RPSA2: variants seen among roughly 807,000 people sequenced by gnomAD.
RPSA2 encodes small ribosomal subunit protein uS2B.
the RPSA2 span, among the ~76,000 whole-genome samples, chr19:23,829,536 G>T: frequency 3.3e-5 from 5 of 152,112 alleles, no homozygotes; most frequent in African/African-American, 1.2e-4. Context: ...CCTGACTTCA[G>T]GTGATCCACC....
At chr19:23,784,428 C>T in the RPSA2 span, among the ~76,000 whole-genome samples, 12 of 152,306 alleles carry the variant, frequency 7.9e-5, no homozygotes, top group Admixed American at 4.6e-4. Flanking sequence ...AACATCTGGC[C>T]GCAGTTGAGA....
the RPSA2 span, among the ~76,000 whole-genome samples, chr19:23,810,905 C>T: frequency 6.6e-5 from 10 of 152,088 alleles, no homozygotes; most frequent in Admixed American, 2.6e-4. Context: ...TAGTTTGCCA[C>T]CTGAATGAGG....
At chr19:23,788,842 C>T in the RPSA2 span, among the ~76,000 whole-genome samples, 2 of 152,052 alleles carry the variant, frequency 1.3e-5, no homozygotes, top group South Asian at 4.1e-4. Flanking sequence ...TATGACTGTC[C>T]TCGCCTACAT....
chr19:23,855,448 C>G, the RPSA2 span, among the ~76,000 whole-genome samples: 3 of 152,172 alleles, frequency 2.0e-5, no homozygotes, highest in Admixed American at 2.0e-4. Context: ...GATTGAGTGG[C>G]ACATACTGAT....
chr19:23,766,128 C>T, the RPSA2 span, among the ~76,000 whole-genome samples: 6 of 126,522 alleles, frequency 4.7e-5, no homozygotes, highest in African/African-American at 8.9e-5. Flanking sequence ...GTTGCTGGTG[C>T]GGATATTTCA....
chr19:23,867,997 G>A, the RPSA2 span, among the ~76,000 whole-genome samples: 40 of 152,252 alleles, frequency 2.6e-4, no homozygotes, highest in African/African-American at 9.1e-4. Context: ...ATCTGTTGGT[G>A]AAAGAATAAT....
the RPSA2 span, among the ~76,000 whole-genome samples, chr19:23,825,697 G>T: frequency 6.6e-6 from 1 of 151,940 alleles, no homozygotes; most frequent in Non-Finnish European, 1.5e-5. Flanking sequence ...AATGATTCTA[G>T]TGCCTCAGCC....
the RPSA2 span, among the ~76,000 whole-genome samples, chr19:23,776,533 A>G: frequency 6.6e-6 from 1 of 152,094 alleles, no homozygotes; most frequent in Admixed American, 6.6e-5. Flanking sequence ...CAGGTAGTGT[A>G]ACTCTCTTGT....
chr19:23,827,323 C>T, the RPSA2 span: 18 of 1,579,286 alleles, frequency 1.1e-5, no homozygotes. Context: ...TCAAGAGGAC[C>T]TGGGAGAAGC....
At chr19:23,867,819 G>T in the RPSA2 span, among the ~76,000 whole-genome samples, 2 of 123,302 alleles carry the variant, frequency 1.6e-5, no homozygotes, top group African/African-American at 6.1e-5. Context: ...GACAGAGCGA[G>T]ACTCCGTCTC....
At chr19:23,827,267 C>G in the RPSA2 span, 2 of 764,858 alleles carry the variant, frequency 2.6e-6, no homozygotes, top group East Asian at 2.6e-5. Flanking sequence ...CCAGATGGAA[C>G]ACTACATCTA....
At chr19:23,793,248 G>A in the RPSA2 span, among the ~76,000 whole-genome samples, 1 of 149,838 alleles carries the variant, frequency 6.7e-6, no homozygotes, top group African/African-American at 2.5e-5. Context: ...AGTCTTCCTG[G>A]AGAACACAAA....
the RPSA2 span, among the ~76,000 whole-genome samples, chr19:23,870,333 A>G: frequency 0.98 from 148,929 of 152,262 alleles, 72,929 homozygotes; most frequent in Middle Eastern, 1. Context: ...AAGTGGTAAT[A>G]TTAAAATCCA....
the RPSA2 span, among the ~76,000 whole-genome samples, chr19:23,851,772 A>T: frequency 7.2e-5 from 11 of 152,202 alleles, no homozygotes; most frequent in Non-Finnish European, 1.5e-4. Flanking sequence ...GAATGGGCTG[A>T]TCTTTGGTCA....
At chr19:23,856,631 A>T in the RPSA2 span, among the ~76,000 whole-genome samples, 5 of 152,062 alleles carry the variant, frequency 3.3e-5, no homozygotes, top group African/African-American at 7.2e-5. Context: ...ATATTGGGGG[A>T]ACTTGCCCCC....
chr19:23,844,091 A>G, the RPSA2 span, among the ~76,000 whole-genome samples: 1 of 152,096 alleles, frequency 6.6e-6, no homozygotes, highest in African/African-American at 2.4e-5. Flanking sequence ...AGGAATCTTA[A>G]CAGATTTGAA....
chr19:23,860,629 C>A, the RPSA2 span, among the ~76,000 whole-genome samples: 148,939 of 152,264 alleles, frequency 0.98, 72,936 homozygotes, highest in Middle Eastern at 1. Context: ...ACAGATGAGA[C>A]AAGAAAGGAG....
chr19:23,797,081 T>C, the RPSA2 span, among the ~76,000 whole-genome samples: 1 of 151,892 alleles, frequency 6.6e-6, no homozygotes, highest in African/African-American at 2.4e-5. Flanking sequence ...GATATTCTGA[T>C]GTGTTGGTTT....
At chr19:23,848,366 CT>C in the RPSA2 span, among the ~76,000 whole-genome samples, 3 of 152,090 alleles carry the variant, frequency 2.0e-5, no homozygotes, top group Non-Finnish European at 4.4e-5. Flanking sequence ...GATTCTTTGA[CT>C]GGTCCAGCAC....
Sources: gnomAD v4.1 joint callset for allele counts (sites outside exome capture counted in the v4.1 genomes callset) on GRCh38, gnomAD v4.1.1 for gene constraint, MANE v1.5 for transcripts, NCBI Gene and HGNC (gene_info 2026-07-23, HGNC 2026-07-21) for gene names.